Variants in FBXO25 observed in about 807,000 individuals in gnomAD.
FBXO25 encodes F-box protein 25, also known as F-box only protein 25.
FBXO25 carries 45 observed loss-of-function variants against 51.9 expected under a neutral mutation model. That is an observed-to-expected ratio of 0.87 (90% CI 0.68 to 1.11). FBXO25 has a LOEUF of 1.11. FBXO25 is among the 50% of genes most tolerant of loss of function. FBXO25 has a pLI of 0.00. For missense variants in FBXO25, 507 were observed against 428.5 expected, an observed-to-expected ratio of 1.18 and a Z score of -1.62; for synonymous variants, 199 against 151.0, an observed-to-expected ratio of 1.32 and a Z score of -2.33.
intron 2 of FBXO25, 87 bp from the exon 3 acceptor site, chr8:431,254 T>C (rs1181409112): frequency 2.9e-6 from 2 of 685,540 alleles, no homozygotes; most frequent in Non-Finnish European, 5.0e-6. Context: ...GTCTGTCACT[T>C]TGAAGTATTT....
intron 7 of FBXO25, among the ~76,000 whole-genome samples, chr8:455,020 C>G (rs1799338179): frequency 6.6e-6 from 1 of 152,194 alleles, no homozygotes; most frequent in Non-Finnish European, 1.5e-5. Context: ...CAGCTTCCCA[C>G]TATGACTGAC....
chr8:460,350 A>T (rs556199331), intron 8 of FBXO25, among the ~76,000 whole-genome samples: 1 of 152,348 alleles, frequency 6.6e-6, no homozygotes, highest in African/African-American at 2.4e-5. Context: ...TAGCACCTGC[A>T]GGTGCATCTC....
rs374817871 is a variant in FBXO25, at chr8:413,053, A to C, written c.-7-20A>C. On this transcript the variant is annotated intron_variant, in intron 1 of 9. Transcript: ENST00000350302. ...TTATGAATTATATATACTTTTTAACATAATTTAACTTTTTCATAGGAGAAC... is the reference window on the plus strand; with the variant it reads ...TTATGAATTATATATACTTTTTAACCTAATTTAACTTTTTCATAGGAGAAC... 129 of 1,472,672 alleles carry C rather than the reference A, an allele frequency of 8.8e-5. 1 individual carries two copies. In the African/African-American group the frequency reaches 1.7e-3, roughly 20 times the overall value. The allele number at this position is 1,472,672 out of a possible 1,614,324, so 91.2% of individuals were successfully genotyped here.
At chr8:451,027 A>G in intron 6 of FBXO25, 1 of 360,810 alleles carries the variant, frequency 2.8e-6, no homozygotes, top group African/African-American at 2.1e-5. Flanking sequence ...AAGTGGAGAT[A>G]TATATTTGTC....
In FBXO25 at chr8:476,218, C is replaced by T. The variant is rs1262689266; in HGVS notation, c.*7414C>T. 6.6e-6 allele frequency: 1 copy of T among 152,112 alleles called. No individual in the cohort carries two copies. Among genetic ancestry groups the T allele is most frequent in the Non-Finnish European group, 1.5e-5 (1 of 68,016 alleles). The allele number at this position is 152,112 out of a possible 1,614,324, so 9.4% of individuals were successfully genotyped here. On this transcript the variant is annotated 3_prime_UTR_variant, in exon 10 of 10. Transcript: ENST00000350302. ...CTTTGCATACCAGCTGTAAATCTTA[C>T]TTGGCCATGATGTGTAATCCTTTCA... is the stretch of plus-strand genomic sequence containing the variant.
chr8:467,576 C>A, intron 9 of FBXO25: 1 of 813,518 alleles, frequency 1.2e-6, no homozygotes, highest in Non-Finnish European at 2.0e-6. Context: ...AATTTAGTTA[C>A]CTGATGTTTT....
In FBXO25 at chr8:463,064, T is replaced by G. The variant is rs200138069; in HGVS notation, c.901T>G (p.Phe301Val). Residue 301 changes from phenylalanine (F) to valine (V), a missense_variant, in exon 9 of 10, where the codon TTT becomes GTT. Physicochemically the swap from Phe to Val is conservative, Grantham distance 50. Transcript: ENST00000350302. ...KGHIEWKLMY[F>V]ALQKHYPAKE... ...TCATATTGAATGGAAGTTGATGTAC[T>G]TTGCACTTCAGAAACATTACCCAGC... 18 of 1,613,866 alleles carry G rather than the reference T, an allele frequency of 1.1e-5. No individual in the cohort carries two copies. The highest frequency in any genetic ancestry group is 4.2e-6 in the Non-Finnish European group (5 of 1,179,988).
intron 2 of FBXO25, among the ~76,000 whole-genome samples, chr8:414,399 C>T (rs1305350608): frequency 6.6e-6 from 1 of 152,072 alleles, no homozygotes; most frequent in African/African-American, 2.4e-5. Context: ...AGGTGTCTCA[C>T]ATTTACTCCC....
At position 476,557 on chromosome 8, in the gene FBXO25, C is replaced by T. The variant is rs920051544; in HGVS notation, c.*7753C>T. 2 of 152,136 alleles carry T rather than the reference C, an allele frequency of 1.3e-5. No individual in the cohort carries two copies. Among genetic ancestry groups the T allele is most frequent in the African/African-American group, 4.8e-5 (2 of 41,426 alleles). 9.4% of individuals were successfully genotyped at this position (152,136 alleles called of 1,614,324 possible). A position where few individuals can be genotyped will look rare whatever the true frequency, so the allele number is the denominator to read the frequency against. Reference sequence around the variant, plus strand: ...CTAGCATAGGTCTGTTCAGATTTTCCATTTCTTCATGATTCAATCTTGATA... The same window carrying T: ...CTAGCATAGGTCTGTTCAGATTTTCTATTTCTTCATGATTCAATCTTGATA... On this transcript the variant is annotated 3_prime_UTR_variant, in exon 10 of 10. Transcript: ENST00000350302.
intron 4 of FBXO25, among the ~76,000 whole-genome samples, chr8:433,892 TACA>T (rs1797958117): frequency 6.6e-6 from 1 of 152,222 alleles, no homozygotes; most frequent in Non-Finnish European, 1.5e-5. Context: ...ATCCTTAATA[TACA>T]CTCGAATACA....
chr8:428,636 C>G (rs1797637344), intron 2 of FBXO25, among the ~76,000 whole-genome samples: 1 of 152,142 alleles, frequency 6.6e-6, no homozygotes, highest in Non-Finnish European at 1.5e-5. Context: ...TACCACCATC[C>G]ATCTCTAGAA....
intron 2 of FBXO25, among the ~76,000 whole-genome samples, chr8:427,225 A>C (rs55678681): frequency 0.086 from 10,929 of 127,448 alleles, 151 homozygotes; most frequent in Non-Finnish European, 0.14. Context: ...AGCTGACCAA[A>C]ATGTCCTCCA....
chr8:474,059 A>AC lies in FBXO25; in HGVS notation c.*5256dup, dbSNP rs1800569059. ...CCACAAGTTCAACTTTACAAGATGA[A>AC]CTTTTGTCATCTTGTAAAACTGAAG... On this transcript the variant is annotated 3_prime_UTR_variant, in exon 10 of 10. Coordinates refer to ENST00000350302, the MANE Select transcript of FBXO25 (RefSeq NM_183420.2). The AC allele has an allele frequency of 6.6e-6, 1 of 151,820 alleles. No homozygotes were observed. Among genetic ancestry groups the AC allele is most frequent in the Admixed American group, 6.6e-5 (1 of 15,254 alleles). 9.4% of individuals were successfully genotyped at this position (151,820 alleles called of 1,614,324 possible).
chr8:465,337 TAA>T (rs1800085418), intron 9 of FBXO25, among the ~76,000 whole-genome samples: 1 of 152,246 alleles, frequency 6.6e-6, no homozygotes, highest in African/African-American at 2.4e-5. Context: ...GTGCTTCTCC[TAA>T]GAGTTACTTG....
intron 2 of FBXO25, among the ~76,000 whole-genome samples, chr8:420,183 A>G (rs62483099): frequency 0.03 from 4,506 of 152,276 alleles, 113 homozygotes; most frequent in Non-Finnish European, 0.046. Context: ...TGAGACTGCC[A>G]CAGTGGGCCT....
chr8:461,449 G>T (rs912810664), intron 8 of FBXO25, among the ~76,000 whole-genome samples: 4 of 152,192 alleles, frequency 2.6e-5, no homozygotes, highest in African/African-American at 4.8e-5. Context: ...ATGTGCAGGG[G>T]AACTGCCCTT....
At chr8:434,386 T>C (rs954533871) in intron 4 of FBXO25, among the ~76,000 whole-genome samples, 4 of 152,226 alleles carry the variant, frequency 2.6e-5, no homozygotes, top group Non-Finnish European at 5.9e-5. Flanking sequence ...TGTGATGGAT[T>C]TCAGATTATA....
chr8:428,103 G>A (rs186022289), intron 2 of FBXO25, among the ~76,000 whole-genome samples: 17 of 152,298 alleles, frequency 1.1e-4, no homozygotes, highest in Admixed American at 9.8e-4. Context: ...CTTGGCTCTT[G>A]TTTACTTCTA....
In FBXO25 at chr8:475,242, T is replaced by C. The variant is rs764897117; in HGVS notation, c.*6438T>C. The C allele has an allele frequency of 1.1e-5, 3 of 273,330 alleles. No individual in the cohort carries two copies. The highest frequency in any genetic ancestry group is 5.1e-5 in the Admixed American group (1 of 19,442). 16.9% of individuals were successfully genotyped at this position (273,330 alleles called of 1,614,324 possible). ...ATGGTCTTGGCACCATCAAAAATCA[T>C]TTGACCCATATGTGCAAGGGTTTAT... On this transcript the variant is annotated 3_prime_UTR_variant, in exon 10 of 10. Transcript: ENST00000350302.
Sources: gnomAD v4.1 joint callset for allele counts (sites outside exome capture counted in the v4.1 genomes callset) on GRCh38, gnomAD v4.1.1 for gene constraint, MANE v1.5 for transcripts, NCBI Gene and HGNC (gene_info 2026-07-23, HGNC 2026-07-21) for gene names.